Variants in TEX36 observed in about 807,000 individuals in gnomAD.
TEX36 encodes the protein testis expressed 36.
A neutral mutation model predicts 13.6 loss-of-function variants in TEX36; 12 were observed. The observed-to-expected ratio is 0.88, with a 90% CI of 0.56 to 1.43. TEX36 has a LOEUF of 1.43. Among genes scored for constraint, TEX36 ranks in the 40% most tolerant of loss-of-function variants. The pLI, the probability that TEX36 is intolerant of heterozygous loss-of-function variation, is 0.00. For synonymous variants in TEX36, 93 were observed against 83.0 expected (o/e 1.12, Z -0.65); for missense variants, 224 against 228.3 (o/e 0.98, Z 0.12).
At chr10:125,662,885 T>C (rs1022593367) in intron 1 of TEX36, among the ~76,000 whole-genome samples, 6 of 152,148 alleles carry the variant, frequency 3.9e-5, no homozygotes, top group Non-Finnish European at 5.9e-5. Flanking sequence ...CTAGCTCTTA[T>C]GGCAAGAGAA....
At position 125,596,169 on chromosome 10, in the gene TEX36, C is replaced by A. The variant is rs191509192; in HGVS notation, c.265-19295G>T. 2.7e-3 allele frequency among the ~76,000 whole-genome samples: 408 copies of A among 151,450 alleles called. 1 individual carries two copies. Among genetic ancestry groups the A allele is most frequent in the African/African-American group, 8.2e-3 (339 of 41,478 alleles). On this transcript the variant is annotated intron_variant, in intron 3 of 3. Transcript: ENST00000532135. ...GCTGAACAATGGCCCTTCAACATGT[C>A]TGTGAATATGTTGCCTTATACAGCA...
In TEX36 at chr10:125,621,698, C is replaced by T. The variant is rs7901593; in HGVS notation, c.265-53G>A. 5.3e-3 allele frequency: 2,432 copies of T among 455,728 alleles called. 46 individuals carry two copies. The highest frequency in any genetic ancestry group is 0.044 in the African/African-American group (2,205 of 50,132). The allele number at this position is 455,728 out of a possible 1,614,324, so 28.2% of individuals were successfully genotyped here. ...TCAGTTCAAGTCTGAAAGCCTCAAA[C>T]CCAGGGAAGCCAACAGTGTAGCCTT... On this transcript the variant is annotated intron_variant, in intron 3 of 3. Coordinates refer to the TEX36 transcript ENST00000526819.
intron 1 of TEX36, among the ~76,000 whole-genome samples, chr10:125,679,293 T>C (rs2133615934): frequency 6.6e-6 from 1 of 152,194 alleles, no homozygotes; most frequent in East Asian, 1.9e-4. Flanking sequence ...GTGGAAGTGC[T>C]CTCAGCTCAC....
chr10:125,584,636 T>C (rs1845921633), intron 3 of TEX36, among the ~76,000 whole-genome samples: 1 of 152,146 alleles, frequency 6.6e-6, no homozygotes, highest in African/African-American at 2.4e-5. Context: ...TCCAATGGAA[T>C]AGTGTACTTG....
At chr10:125,653,487 T>A (rs1242862123), downstream of TEX36, among the ~76,000 whole-genome samples, 4 of 50,468 alleles carry the variant, frequency 7.9e-5, no homozygotes, top group Non-Finnish European at 1.4e-4. Flanking sequence ...GAGCCTGTCA[T>A]GGGGTGGGGG....
chr10:125,658,297 T>C (rs1846978896), intron 3 of TEX36, among the ~76,000 whole-genome samples: 1 of 152,102 alleles, frequency 6.6e-6, no homozygotes, highest in African/African-American at 2.4e-5. Context: ...ATAGAATTTA[T>C]GGCTAAAGGC....
At chr10:125,613,241 TTTTATTTATTTATTTATTTATTTA>T (rs71029264) in intron 3 of TEX36, among the ~76,000 whole-genome samples, 1 of 113,286 alleles carries the variant, frequency 8.8e-6, no homozygotes, top group African/African-American at 3.7e-5. Flanking sequence ...TTTTGACATC[TTTTATTTATTTATTTATTTATTTA>T]TTTATTTATT....
At chr10:125,639,792 C>T (rs1352599696) in intron 3 of TEX36, among the ~76,000 whole-genome samples, 1 of 152,136 alleles carries the variant, frequency 6.6e-6, no homozygotes, top group Non-Finnish European at 1.5e-5. Flanking sequence ...GCATTGCTTT[C>T]AATACAAAAT....
At chr10:125,580,483 G>C (rs1176037438) in intron 3 of TEX36, among the ~76,000 whole-genome samples, 1 of 152,188 alleles carries the variant, frequency 6.6e-6, no homozygotes, top group African/African-American at 2.4e-5. Flanking sequence ...CTTCCTGCCT[G>C]TCCCAGTGCC....
chr10:125,602,579 C>CTTGA (rs1310126481), intron 3 of TEX36, among the ~76,000 whole-genome samples: 2 of 152,206 alleles, frequency 1.3e-5, no homozygotes, highest in Non-Finnish European at 2.9e-5. Flanking sequence ...CTGACTTGTG[C>CTTGA]TTGATTCATT....
chr10:125,661,796 C>T lies in TEX36; in HGVS notation c.183+50G>A, dbSNP rs766936702. On this transcript the variant is annotated intron_variant, in intron 2 of 3. Transcript: ENST00000368821. ...GCCCAACGTGCCAGCGGCGCTGCCC[C>T]CTGGGAGGTCCACAGGAGCACATGG... 2.6e-6 allele frequency: 4 copies of T among 1,547,070 alleles called. No individual in the cohort carries two copies. The Admixed American group carries it at 6.0e-5, about 23-fold the overall frequency.
At chr10:125,675,937 C>G (rs969648618) in intron 1 of TEX36, among the ~76,000 whole-genome samples, 2 of 152,182 alleles carry the variant, frequency 1.3e-5, no homozygotes, top group Non-Finnish European at 2.9e-5. Context: ...CAAAGTTCCT[C>G]CTGGTATTGA....
intron 3 of TEX36, among the ~76,000 whole-genome samples, chr10:125,600,478 G>A (rs1055840139): frequency 1.1e-4 from 16 of 152,182 alleles, no homozygotes; most frequent in African/African-American, 3.9e-4. Context: ...TGAGCCTGTT[G>A]TACTTCTGGT....
chr10:125,580,485 C>T (rs533847182), intron 3 of TEX36, among the ~76,000 whole-genome samples: 2 of 152,232 alleles, frequency 1.3e-5, no homozygotes, highest in African/African-American at 4.8e-5. Context: ...TCCTGCCTGT[C>T]CCAGTGCCTG....
At chr10:125,666,630 G>A (rs1051163711) in intron 1 of TEX36, among the ~76,000 whole-genome samples, 3 of 152,152 alleles carry the variant, frequency 2.0e-5, no homozygotes, top group Non-Finnish European at 4.4e-5. Context: ...TTGTATCTAT[G>A]TTCATTGGGG....
At chr10:125,594,138 A>G (rs1038698723) in intron 3 of TEX36, among the ~76,000 whole-genome samples, 26 of 152,158 alleles carry the variant, frequency 1.7e-4, no homozygotes, top group African/African-American at 6.0e-4. Flanking sequence ...TATTTTGGGG[A>G]AGAGGGACCC....
At chr10:125,592,904 G>A (rs1181027173) in intron 3 of TEX36, among the ~76,000 whole-genome samples, 1 of 152,330 alleles carries the variant, frequency 6.6e-6, no homozygotes, top group Admixed American at 6.5e-5. Flanking sequence ...GATGAGGTAT[G>A]GAGGAAGGGG....
intron 3 of TEX36, among the ~76,000 whole-genome samples, chr10:125,626,290 T>TC (rs1264353781): frequency 1.3e-5 from 2 of 152,068 alleles, no homozygotes; most frequent in East Asian, 1.9e-4. Flanking sequence ...AACAGTCGGC[T>TC]CCCCATTCAG....
chr10:125,602,416 G>A (rs1402651172), intron 3 of TEX36, among the ~76,000 whole-genome samples: 1 of 152,136 alleles, frequency 6.6e-6, no homozygotes, highest in African/African-American at 2.4e-5. Flanking sequence ...AAACCAGGGA[G>A]GATTTCATTA....
Sources: allele counts gnomAD v4.1 joint callset (sites outside exome capture counted in the v4.1 genomes callset), GRCh38; gene constraint gnomAD v4.1.1; transcripts MANE v1.5; gene names NCBI Gene and HGNC (gene_info 2026-07-23, HGNC 2026-07-21).